The following IFT43 variants were observed in gnomAD, a reference collection of about 807,000 sequenced individuals.
The protein encoded by IFT43 is intraflagellar transport protein 43 homolog.
A neutral mutation model predicts 32.3 loss-of-function variants in IFT43; 33 were observed. The ratio of observed to expected loss-of-function variants is 1.02; its 90% confidence interval spans 0.77 to 1.37. The LOEUF is 1.37. Ranked by LOEUF, IFT43 falls within the 40% of genes most tolerant of loss-of-function variation. The pLI is 0.00. For missense variants in IFT43, 274 were observed against 265.9 expected (o/e 1.03, Z -0.21); for synonymous variants, 93 against 98.2 (o/e 0.95, Z 0.31).
At chr14:76,058,971 C>G in intron 4 of IFT43, 1 of 1,433,860 alleles carries the variant, frequency 7.0e-7, no homozygotes, top group Non-Finnish European at 9.1e-7. Flanking sequence ...TGGGCAGAAG[C>G]AATACCAGCT....
At chr14:75,996,146 G>A (rs74693695) in intron 2 of IFT43, among the ~76,000 whole-genome samples, 3,099 of 152,270 alleles carry the variant, frequency 0.02, 44 homozygotes, top group Non-Finnish European at 0.032. Flanking sequence ...TCTCCTCCTC[G>A]CCTATGGGGA....
chr14:76,072,181 T>C (rs761114805), intron 5 of IFT43, among the ~76,000 whole-genome samples: 3 of 152,134 alleles, frequency 2.0e-5, no homozygotes, highest in Non-Finnish European at 4.4e-5. Context: ...ATCAAATCCA[T>C]GGAGAGTACT....
chr14:75,987,087 A>G (rs1006821722), intron 1 of IFT43, among the ~76,000 whole-genome samples: 4 of 152,264 alleles, frequency 2.6e-5, no homozygotes, highest in African/African-American at 7.2e-5. Context: ...GGATCTATAC[A>G]GGGTCTTCAA....
intron 3 of IFT43, among the ~76,000 whole-genome samples, chr14:76,039,398 A>G (rs1375133467): frequency 6.6e-6 from 1 of 152,096 alleles, no homozygotes; most frequent in African/African-American, 2.4e-5. Flanking sequence ...ATCTCACGCA[A>G]TCCTCCTGCC....
At chr14:76,050,147 A>T (rs2036886570) in intron 3 of IFT43, among the ~76,000 whole-genome samples, 1 of 152,170 alleles carries the variant, frequency 6.6e-6, no homozygotes, top group Non-Finnish European at 1.5e-5. Flanking sequence ...CAAGGCTTCC[A>T]TGAAGCCTCC....
intron 1 of IFT43, among the ~76,000 whole-genome samples, chr14:75,988,191 G>A (rs956212715): frequency 6.6e-6 from 1 of 151,922 alleles, no homozygotes; most frequent in Non-Finnish European, 1.5e-5. Context: ...AGCCTGGGCA[G>A]CACAGGGGGA....
rs568168579 is a variant in IFT43, at chr14:75,987,486, C to T, written c.55-1399C>T. The stretch of plus-strand genomic sequence containing the variant: ...GTAGAGTGGAAAGCACCCAGGAAAC[C>T]CAGGATCTGAAATCAGAAGGCTTTG... On this transcript the variant is annotated intron_variant, in intron 1 of 8. Transcript: ENST00000314067. 1.3e-3 allele frequency among the ~76,000 whole-genome samples: 198 copies of T among 152,208 alleles called. 3 individuals carry two copies. In the South Asian group the frequency reaches 0.019, roughly 15 times the overall value.
At chr14:75,999,494 C>T (rs1421184485) in intron 2 of IFT43, among the ~76,000 whole-genome samples, 1 of 151,120 alleles carries the variant, frequency 6.6e-6, no homozygotes, top group African/African-American at 2.4e-5. Context: ...CTTATTTATC[C>T]TACATTTAAT....
At chr14:76,065,569 T>C (rs942570239) in intron 5 of IFT43, among the ~76,000 whole-genome samples, 1 of 152,120 alleles carries the variant, frequency 6.6e-6, no homozygotes, top group Non-Finnish European at 1.5e-5. Flanking sequence ...TTGTGGTTTC[T>C]AGAATTTTAT....
intron 5 of IFT43, among the ~76,000 whole-genome samples, chr14:76,071,762 A>G (rs2037324907): frequency 1.3e-5 from 2 of 152,272 alleles, no homozygotes; most frequent in South Asian, 4.2e-4. Flanking sequence ...GTATAATTTC[A>G]TCTTTAATCA....
intron 3 of IFT43, among the ~76,000 whole-genome samples, chr14:76,047,834 C>T (rs1423075222): frequency 4.6e-5 from 7 of 150,664 alleles, no homozygotes; most frequent in South Asian, 2.1e-4. Flanking sequence ...GAAGGGACTG[C>T]GTGGGGGTTG....
At chr14:76,066,142 G>A (rs2140068808) in intron 5 of IFT43, among the ~76,000 whole-genome samples, 1 of 152,308 alleles carries the variant, frequency 6.6e-6, no homozygotes, top group South Asian at 2.1e-4. Context: ...AATATAGAGT[G>A]CCTAGAATGA....
At chr14:76,047,953 A>T (rs1329576192) in intron 3 of IFT43, among the ~76,000 whole-genome samples, 1 of 152,086 alleles carries the variant, frequency 6.6e-6, no homozygotes, top group Non-Finnish European at 1.5e-5. Context: ...CTGAGGAGCT[A>T]TGGAGTCTGG....
intron 3 of IFT43, among the ~76,000 whole-genome samples, chr14:76,023,016 T>G (rs934895635): frequency 6.6e-6 from 1 of 152,224 alleles, no homozygotes; most frequent in African/African-American, 2.4e-5. Flanking sequence ...CATAACCATC[T>G]GACATTATCT....
At chr14:76,048,124 C>T (rs1404473120) in intron 3 of IFT43, among the ~76,000 whole-genome samples, 2 of 152,160 alleles carry the variant, frequency 1.3e-5, no homozygotes, top group Non-Finnish European at 2.9e-5. Context: ...GTTCTGCAGC[C>T]GTGCCCATTC....
intron 6 of IFT43, 87 bp downstream of exon 6, chr14:76,082,454 A>G (rs890423549): frequency 2.6e-5 from 30 of 1,176,054 alleles, no homozygotes; most frequent in Non-Finnish European, 3.3e-5. Context: ...CTTGATGTCA[A>G]TCTGGATCTT....
intron 5 of IFT43, among the ~76,000 whole-genome samples, chr14:76,080,457 G>C (rs1331028541): frequency 1.3e-5 from 2 of 152,208 alleles, no homozygotes; most frequent in Non-Finnish European, 2.9e-5. Flanking sequence ...GCCCCAAGAC[G>C]CTGGGCAGAG....
chr14:76,054,429 AATCT>A (rs2036972170), intron 3 of IFT43, among the ~76,000 whole-genome samples: 2 of 152,176 alleles, frequency 1.3e-5, no homozygotes, highest in Admixed American at 6.5e-5. Flanking sequence ...AAGTGTTTGG[AATCT>A]AGGGTGAAAG....
intron 5 of IFT43, among the ~76,000 whole-genome samples, chr14:76,067,137 C>T (rs1359552534): frequency 1.3e-5 from 2 of 152,226 alleles, no homozygotes; most frequent in Admixed American, 6.5e-5. Context: ...TCCCTTGCTT[C>T]ATCCGTGGTA....
Sources: allele counts gnomAD v4.1 joint callset (sites outside exome capture counted in the v4.1 genomes callset), GRCh38; gene constraint gnomAD v4.1.1; transcripts MANE v1.5; gene names NCBI Gene and HGNC (gene_info 2026-07-23, HGNC 2026-07-21).